Variants in ZNF385D observed in about 807,000 individuals in gnomAD.
The protein encoded by ZNF385D is zinc finger protein 385D, also known as zinc finger protein 659.
In ZNF385D, 15 loss-of-function variants were observed where a neutral mutation model predicts 35.8. The observed-to-expected ratio is 0.42, with a 90% confidence interval of 0.28 to 0.64. The LOEUF (loss-of-function observed/expected upper bound fraction) is 0.64, where lower values mean the gene tolerates loss of function less well. ZNF385D is among the 30% of genes least tolerant of loss of function. ZNF385D has a pLI of 0.23. For missense variants in ZNF385D, 474 were observed against 494.6 expected, an observed-to-expected ratio of 0.96 and a Z score of 0.39; for synonymous variants, 212 against 186.8, an observed-to-expected ratio of 1.13 and a Z score of -1.10.
At chr3:21,874,605 A>G (rs1697867653) in intron 3 of ZNF385D, among the ~76,000 whole-genome samples, 1 of 152,028 alleles carries the variant, frequency 6.6e-6, no homozygotes, top group African/African-American at 2.4e-5. Flanking sequence ...TGATTACTGT[A>G]GCTTTGTAAT....
intron 3 of ZNF385D, among the ~76,000 whole-genome samples, chr3:22,158,495 C>T (rs758671581): frequency 6.6e-6 from 1 of 152,012 alleles, no homozygotes; most frequent in Non-Finnish European, 1.5e-5. Flanking sequence ...CATCTATTTG[C>T]TTTTATTTTC....
At chr3:21,672,082 C>A (rs974473892) in intron 1 of ZNF385D, among the ~76,000 whole-genome samples, 1 of 152,034 alleles carries the variant, frequency 6.6e-6, no homozygotes, top group South Asian at 2.1e-4. Flanking sequence ...GGATTTTTTA[C>A]TCTTTGTCCA....
At chr3:21,788,017 A>C (rs114327533) in intron 3 of ZNF385D, among the ~76,000 whole-genome samples, 2 of 149,564 alleles carry the variant, frequency 1.3e-5, no homozygotes, top group Non-Finnish European at 3.0e-5. Context: ...AACCTCAGAG[A>C]AGCAGAAATT....
At chr3:22,063,312 A>G (rs1318498237) in intron 3 of ZNF385D, among the ~76,000 whole-genome samples, 1 of 152,146 alleles carries the variant, frequency 6.6e-6, no homozygotes, top group East Asian at 1.9e-4. Context: ...TTCCTTTTTC[A>G]TCAATGAGAA....
At chr3:21,853,291 A>C (rs955850631) in intron 3 of ZNF385D, among the ~76,000 whole-genome samples, 2 of 151,854 alleles carry the variant, frequency 1.3e-5, no homozygotes, top group Admixed American at 6.6e-5. Flanking sequence ...GGTCTGGAAA[A>C]GTCTGTCTTC....
intron 4 of ZNF385D, among the ~76,000 whole-genome samples, chr3:21,476,216 C>G (rs1195946021): frequency 6.6e-6 from 1 of 152,050 alleles, no homozygotes; most frequent in Non-Finnish European, 1.5e-5. Flanking sequence ...AGAATTAAAT[C>G]CACTTTATTG....
At chr3:21,889,103 G>T (rs992387035) in intron 3 of ZNF385D, among the ~76,000 whole-genome samples, 21 of 152,196 alleles carry the variant, frequency 1.4e-4, no homozygotes, top group African/African-American at 4.3e-4. Context: ...CAGTTTAGGG[G>T]ATGCAGAGGG....
intron 2 of ZNF385D, among the ~76,000 whole-genome samples, chr3:22,186,283 C>T (rs1047099763): frequency 6.6e-6 from 1 of 152,076 alleles, no homozygotes; most frequent in Admixed American, 6.6e-5. Flanking sequence ...TGCTCCCAGA[C>T]GAGCATGAGT....
intron 3 of ZNF385D, among the ~76,000 whole-genome samples, chr3:22,127,960 C>A (rs1281367932): frequency 2.6e-5 from 4 of 152,092 alleles, no homozygotes; most frequent in African/African-American, 7.2e-5. Flanking sequence ...TGTCTGTGTA[C>A]TTAATATTAC....
At chr3:21,463,844 C>T (rs577964638) in intron 4 of ZNF385D, among the ~76,000 whole-genome samples, 1 of 152,034 alleles carries the variant, frequency 6.6e-6, no homozygotes, top group South Asian at 2.1e-4. Flanking sequence ...TTTTTCTTCC[C>T]AGATGGTTAG....
intron 1 of ZNF385D, among the ~76,000 whole-genome samples, chr3:21,715,527 C>T (rs1458616612): frequency 6.6e-6 from 1 of 152,112 alleles, no homozygotes; most frequent in African/African-American, 2.4e-5. Context: ...GATTCCATAT[C>T]TTTGCTATTT....
chr3:21,728,183 T>C (rs1247955887), intron 1 of ZNF385D, among the ~76,000 whole-genome samples: 1 of 151,936 alleles, frequency 6.6e-6, no homozygotes, highest in African/African-American at 2.4e-5. Flanking sequence ...ATACCTAATG[T>C]AAGTGACGGG....
chr3:22,043,570 G>C (rs1294972302), intron 3 of ZNF385D, among the ~76,000 whole-genome samples: 2 of 150,854 alleles, frequency 1.3e-5, no homozygotes, highest in Non-Finnish European at 3.0e-5. Flanking sequence ...TTGTTCTAAA[G>C]GCTGAGGATG....
intron 3 of ZNF385D, among the ~76,000 whole-genome samples, chr3:22,094,385 G>GATATATATATATATATATATATATAT (rs140274686): frequency 9.9e-5 from 7 of 70,824 alleles, no homozygotes; most frequent in African/African-American, 3.0e-4. Context: ...ATTTATTGTT[G>GATATATATATATATATATATATATAT]ATATATATAT....
At chr3:22,229,303 C>T (rs1463785378) in intron 2 of ZNF385D, among the ~76,000 whole-genome samples, 7 of 152,154 alleles carry the variant, frequency 4.6e-5, no homozygotes, top group African/African-American at 1.7e-4. Context: ...GTGAGAGGTC[C>T]TCCACTGGAT....
chr3:22,097,512 G>C (rs1165223534), intron 3 of ZNF385D, among the ~76,000 whole-genome samples: 1 of 151,970 alleles, frequency 6.6e-6, no homozygotes, highest in Non-Finnish European at 1.5e-5. Flanking sequence ...GGTATAAGTA[G>C]GAAATATTCC....
chr3:21,461,632 A>G (rs2125313847), intron 4 of ZNF385D, among the ~76,000 whole-genome samples: 1 of 152,368 alleles, frequency 6.6e-6, no homozygotes, highest in Non-Finnish European at 1.5e-5. Context: ...CAGCAATCCT[A>G]GTAAAGACGT....
intron 3 of ZNF385D, among the ~76,000 whole-genome samples, chr3:21,921,560 C>T (rs7623923): frequency 0.54 from 81,284 of 151,834 alleles, 23,801 homozygotes; most frequent in South Asian, 0.66. Flanking sequence ...ATGTTTATTC[C>T]TCTTTTAAAA....
chr3:21,579,545 C>T (rs577401142), intron 2 of ZNF385D: 1 of 151,476 alleles, frequency 6.6e-6, no homozygotes, highest in South Asian at 2.1e-4. Flanking sequence ...TTTTTATGTC[C>T]AGGTTTGAAA....
Sources: gnomAD v4.1 joint callset for allele counts (sites outside exome capture counted in the v4.1 genomes callset) on GRCh38, gnomAD v4.1.1 for gene constraint, MANE v1.5 for transcripts, NCBI Gene and HGNC (gene_info 2026-07-23, HGNC 2026-07-21) for gene names.